The following RNF150 variants were observed in gnomAD, a reference collection of about 807,000 sequenced individuals.
The protein encoded by RNF150 is ring finger protein 150.
In RNF150, 24 loss-of-function variants were observed where a neutral mutation model predicts 39.3. The observed-to-expected ratio is 0.61, with a 90% CI of 0.44 to 0.86. The LOEUF (loss-of-function observed/expected upper bound fraction) is 0.86, where lower values mean the gene tolerates loss of function less well. Among genes scored for constraint, RNF150 ranks in the 40% least tolerant of loss-of-function variants. RNF150 has a pLI of 0.00. For missense variants in RNF150, 502 were observed against 587.8 expected (o/e 0.85, Z 1.51); for synonymous variants, 255 against 227.3 (o/e 1.12, Z -1.10).
intron 1 of RNF150, among the ~76,000 whole-genome samples, chr4:141,143,480 C>G (rs1004327333): frequency 6.6e-6 from 1 of 152,172 alleles, no homozygotes; most frequent in Non-Finnish European, 1.5e-5. Context: ...CTACTCTTCT[C>G]TCCATCTCCC....
At chr4:140,910,759 T>C (rs1730566765) in intron 6 of RNF150, among the ~76,000 whole-genome samples, 1 of 152,124 alleles carries the variant, frequency 6.6e-6, no homozygotes, top group Non-Finnish European at 1.5e-5. Flanking sequence ...GTGGGTGTGG[T>C]TGTGCCCTAT....
chr4:141,173,561 G>T (rs2111176064), intron 1 of RNF150, among the ~76,000 whole-genome samples: 1 of 152,246 alleles, frequency 6.6e-6, no homozygotes, highest in African/African-American at 2.4e-5. Context: ...GGATCTTCTG[G>T]CTCTATTGCC....
intron 1 of RNF150, among the ~76,000 whole-genome samples, chr4:141,094,225 T>C (rs1738694275): frequency 7.5e-6 from 1 of 133,792 alleles, no homozygotes; most frequent in Non-Finnish European, 1.7e-5. Context: ...AACTTAGGAT[T>C]TCCTGAGTAA....
rs1258211605 is a variant in RNF150, at chr4:140,898,286, T to TTC, written c.1198+12857_1198+12858insGA. On this transcript the variant is annotated intron_variant, in intron 6 of 6. Coordinates refer to ENST00000515673, the MANE Select transcript of RNF150 (RefSeq NM_020724.2). The stretch of plus-strand genomic sequence containing the variant: ...AAAAAAAATGATGCACACATTTTTT[T>TTC]TTTTTGAGTTGTTCTTTCTCTTATG... Among the ~76,000 whole-genome samples, 6 of 151,880 alleles carry TTC rather than the reference T, an allele frequency of 4.0e-5. No homozygotes were observed. The South Asian group carries it at 1.0e-3, about 26-fold the overall frequency.
At chr4:141,004,030 T>C (rs946950916) in intron 1 of RNF150, among the ~76,000 whole-genome samples, 23 of 152,280 alleles carry the variant, frequency 1.5e-4, no homozygotes, top group African/African-American at 5.5e-4. Flanking sequence ...GAATTCAGTC[T>C]ACTAAAAAAA....
intron 1 of RNF150, among the ~76,000 whole-genome samples, chr4:141,182,283 C>T (rs1296241785): frequency 7.0e-4 from 68 of 97,708 alleles, no homozygotes; most frequent in African/African-American, 2.8e-3. Context: ...ACAGGGATGC[C>T]CTCTCTCACC....
rs200920078 is a variant in RNF150 at position 140,999,999 on chromosome 4, GA to G, written c.485-32127del. 8.2e-5 allele frequency among the ~76,000 whole-genome samples: 3 copies of G among 36,582 alleles called. 1 individual carries two copies. The highest frequency in any genetic ancestry group is 2.0e-4 in the Non-Finnish European group (3 of 15,268). The allele number at this position is 36,582 out of a possible 152,430, so 24.0% of individuals were successfully genotyped here. On this transcript the variant is annotated intron_variant, in intron 1 of 6. Transcript: ENST00000515673. ...AGAAAAGAAGAAAAGAAGAAAAGAA[GA>G]AGAAGAAGAAGAAGAAGAAGAAGAA...
At chr4:141,146,286 G>A (rs1162423226) in intron 1 of RNF150, among the ~76,000 whole-genome samples, 1 of 152,208 alleles carries the variant, frequency 6.6e-6, no homozygotes, top group Non-Finnish European at 1.5e-5. Context: ...ATGTCTGCAG[G>A]AGAAACATTC....
chr4:141,118,512 G>T (rs1726499828), intron 1 of RNF150, among the ~76,000 whole-genome samples: 1 of 152,110 alleles, frequency 6.6e-6, no homozygotes, highest in Non-Finnish European at 1.5e-5. Flanking sequence ...TGGGACTGAG[G>T]CTGTCATATA....
At chr4:140,999,999 G>GA (rs200920078) in intron 1 of RNF150, among the ~76,000 whole-genome samples, 2 of 36,582 alleles carry the variant, frequency 5.5e-5, no homozygotes, top group East Asian at 1.0e-3. Context: ...AAGAAAAGAA[G>GA]AAGAAGAAGA....
Position 140,911,327 on chromosome 4 carries a change from G to GCAAGT in RNF150, c.1010_1014dup (p.Pro339ThrfsTer26). ...CCCAGAGAGCCCTCGAAGTCAGTGG[G>GCAAGT]CAAGTCGTCCATGCAGTCGGCATTG... On this transcript the variant is annotated frameshift_variant, in exon 6 of 7. Coordinates refer to ENST00000515673, the MANE Select transcript of RNF150 (RefSeq NM_020724.2). LOFTEE classifies it high-confidence loss of function. 6.2e-7 allele frequency: 1 copy of GCAAGT among 1,614,100 alleles called. No homozygotes were observed. The highest frequency in any genetic ancestry group is 8.5e-7 in the Non-Finnish European group (1 of 1,180,018).
At chr4:141,041,480 A>C (rs1192889902) in intron 1 of RNF150, among the ~76,000 whole-genome samples, 2 of 152,118 alleles carry the variant, frequency 1.3e-5, no homozygotes, top group Non-Finnish European at 2.9e-5. Flanking sequence ...TCCTTACTTA[A>C]ATCACACACA....
intron 1 of RNF150, among the ~76,000 whole-genome samples, chr4:141,108,395 T>G (rs1388063711): frequency 6.6e-6 from 1 of 152,194 alleles, no homozygotes; most frequent in Non-Finnish European, 1.5e-5. Flanking sequence ...TACGTACTGG[T>G]ACATTATCAA....
intron 6 of RNF150, among the ~76,000 whole-genome samples, chr4:140,885,637 T>C (rs1400416905): frequency 6.6e-6 from 1 of 151,196 alleles, no homozygotes; most frequent in Admixed American, 6.6e-5. Context: ...GGTTTCTCCA[T>C]GTTGGTCAGG....
At chr4:140,917,731 A>C (rs1454520689) in intron 5 of RNF150, among the ~76,000 whole-genome samples, 1 of 151,916 alleles carries the variant, frequency 6.6e-6, no homozygotes, top group Non-Finnish European at 1.5e-5. Context: ...AATCAACAGA[A>C]TATACATTTT....
At chr4:141,007,709 A>T (rs73860247) in intron 1 of RNF150, among the ~76,000 whole-genome samples, 11,536 of 152,252 alleles carry the variant, frequency 0.076, 493 homozygotes, top group Middle Eastern at 0.16. Context: ...TCCCACTTCT[A>T]GATGTAGTAG....
intron 1 of RNF150, among the ~76,000 whole-genome samples, chr4:141,068,546 T>G (rs568484978): frequency 6.6e-6 from 1 of 152,110 alleles, no homozygotes; most frequent in East Asian, 1.9e-4. Flanking sequence ...ATGCGGGCTC[T>G]TTTTTGGTTC....
chr4:141,121,046 T>C (rs973398827), intron 1 of RNF150, among the ~76,000 whole-genome samples: 1 of 152,172 alleles, frequency 6.6e-6, no homozygotes, highest in Non-Finnish European at 1.5e-5. Context: ...AGTGTGTTTC[T>C]GTGGACAATA....
intron 1 of RNF150, among the ~76,000 whole-genome samples, chr4:141,178,498 C>T (rs796333727): frequency 6.6e-5 from 10 of 152,148 alleles, no homozygotes; most frequent in African/African-American, 1.9e-4. Flanking sequence ...GTAAGAGGTA[C>T]GTTGAGAAGA....
Sources: gnomAD v4.1 joint callset for allele counts (sites outside exome capture counted in the v4.1 genomes callset) on GRCh38, gnomAD v4.1.1 for gene constraint, MANE v1.5 for transcripts, NCBI Gene and HGNC (gene_info 2026-07-23, HGNC 2026-07-21) for gene names.